LDB2: variants seen among roughly 807,000 people sequenced by gnomAD.
LDB2 encodes the protein LIM domain-binding protein 2.
LDB2 carries 12 observed loss-of-function variants against 44.3 expected under a neutral mutation model. That is an observed-to-expected ratio of 0.27 (90% confidence interval 0.17 to 0.44). LDB2 has a LOEUF of 0.44. Ranked by LOEUF, LDB2 falls within the 20% of genes least tolerant of loss-of-function variation. The pLI is 1.00. For missense variants in LDB2, 344 were observed against 473.5 expected (o/e 0.73, Z 2.54); for synonymous variants, 164 against 174.8 (o/e 0.94, Z 0.49).
intron 2 of LDB2, among the ~76,000 whole-genome samples, chr4:16,682,440 G>C (rs1748184516): frequency 6.6e-6 from 1 of 152,088 alleles, no homozygotes; most frequent in Admixed American, 6.5e-5. Flanking sequence ...AGCCCACTGA[G>C]CCTCAACACA....
chr4:16,862,487 G>C (rs901963261), intron 1 of LDB2, among the ~76,000 whole-genome samples: 6 of 151,892 alleles, frequency 4.0e-5, no homozygotes, highest in Middle Eastern at 6.8e-3. Context: ...TACAATATTA[G>C]CTAGGCGTGA....
intron 2 of LDB2, among the ~76,000 whole-genome samples, chr4:16,635,434 C>A (rs1229468320): frequency 1.3e-5 from 2 of 151,278 alleles, no homozygotes; most frequent in Non-Finnish European, 2.9e-5. Context: ...ATTCTGGAGC[C>A]AAGACAAGGA....
intron 2 of LDB2, among the ~76,000 whole-genome samples, chr4:16,634,853 G>A (rs562003882): frequency 6.6e-6 from 1 of 152,134 alleles, no homozygotes; most frequent in Non-Finnish European, 1.5e-5. Flanking sequence ...TATGTTTATT[G>A]CAGCATTATT....
chr4:16,699,660 A>G (rs1224722761), intron 2 of LDB2, among the ~76,000 whole-genome samples: 2 of 152,214 alleles, frequency 1.3e-5, no homozygotes, highest in East Asian at 3.8e-4. Context: ...AATAATTGCA[A>G]CTTTCAAAAA....
chr4:16,636,989 T>G (rs1489997738), intron 2 of LDB2, among the ~76,000 whole-genome samples: 1 of 152,222 alleles, frequency 6.6e-6, no homozygotes, highest in Non-Finnish European at 1.5e-5. Context: ...TCCAGTTGGA[T>G]CTGCCTTCAT....
At chr4:16,659,671 G>GGGTGTATATATATATATATATATA in intron 2 of LDB2, among the ~76,000 whole-genome samples, 1 of 133,522 alleles carries the variant, frequency 7.5e-6, no homozygotes, top group African/African-American at 3.0e-5. Context: ...ATCTATGTGT[G>GGGTGTATATATATATATATATATA]TATATATATA....
At chr4:16,544,764 G>A (rs1735097009) in intron 5 of LDB2, among the ~76,000 whole-genome samples, 5 of 152,184 alleles carry the variant, frequency 3.3e-5, no homozygotes. Flanking sequence ...AATTTGACAT[G>A]TCTGTTAGAC....
chr4:16,639,364 G>A lies in LDB2; in HGVS notation c.236-43489C>T, dbSNP rs151210334. On this transcript the variant is annotated intron_variant, in intron 2 of 7. Transcript: ENST00000304523. ...TATGAAACAAAACCCAAAGACAGGT[G>A]TAACATCTAAATACAAAACTGGCAA... 2.8e-3 allele frequency among the ~76,000 whole-genome samples: 428 copies of A among 152,276 alleles called. 1 individual carries two copies. Among genetic ancestry groups the A allele is most frequent in the African/African-American group, 0.01 (417 of 41,560 alleles).
At chr4:16,893,769 C>T (rs945044959) in intron 1 of LDB2, among the ~76,000 whole-genome samples, 1 of 151,562 alleles carries the variant, frequency 6.6e-6, no homozygotes, top group East Asian at 1.9e-4. Context: ...GGAACTCACA[C>T]TTTTCTGGTG....
chr4:16,845,707 G>A (rs1786833298), intron 1 of LDB2, among the ~76,000 whole-genome samples: 1 of 152,134 alleles, frequency 6.6e-6, no homozygotes, highest in Non-Finnish European at 1.5e-5. Context: ...TGGTTTATGT[G>A]TACTATCTCA....
intron 1 of LDB2, among the ~76,000 whole-genome samples, chr4:16,805,346 A>AAG (rs1778582094): frequency 6.6e-6 from 1 of 152,226 alleles, no homozygotes; most frequent in Non-Finnish European, 1.5e-5. Flanking sequence ...CTATATCAGC[A>AAG]AGTGTTTATC....
At chr4:16,625,363 C>T (rs956099799) in intron 2 of LDB2, among the ~76,000 whole-genome samples, 1 of 152,178 alleles carries the variant, frequency 6.6e-6, no homozygotes, top group Admixed American at 6.5e-5. Flanking sequence ...CTCAGCAGAG[C>T]TTCTGCTATT....
chr4:16,731,526 G>C (rs757490067), intron 2 of LDB2, among the ~76,000 whole-genome samples: 2 of 151,886 alleles, frequency 1.3e-5, no homozygotes, highest in African/African-American at 2.4e-5. Flanking sequence ...CTCTCTCTCC[G>C]CACACATGCA....
At chr4:16,783,081 G>A (rs1441518835) in intron 1 of LDB2, among the ~76,000 whole-genome samples, 5 of 152,202 alleles carry the variant, frequency 3.3e-5, no homozygotes, top group East Asian at 1.9e-4. Flanking sequence ...AATTTGAGGC[G>A]TACAGGCAGC....
intron 1 of LDB2, among the ~76,000 whole-genome samples, chr4:16,763,878 G>T (rs1768566433): frequency 6.6e-6 from 1 of 151,806 alleles, no homozygotes; most frequent in Non-Finnish European, 1.5e-5. Flanking sequence ...TTGCTTGTTG[G>T]GTAAGTGGGA....
intron 2 of LDB2, among the ~76,000 whole-genome samples, chr4:16,633,802 C>G (rs1473413061): frequency 6.6e-6 from 1 of 152,130 alleles, no homozygotes; most frequent in Non-Finnish European, 1.5e-5. Context: ...TCCACATAGC[C>G]AAGACAATCC....
chr4:16,576,952 C>A (rs1184144954), intron 5 of LDB2, among the ~76,000 whole-genome samples: 2 of 152,162 alleles, frequency 1.3e-5, no homozygotes, highest in Non-Finnish European at 1.5e-5. Flanking sequence ...CAATATGATA[C>A]ATCATATCAA....
intron 2 of LDB2, among the ~76,000 whole-genome samples, chr4:16,730,787 T>C (rs781242420): frequency 6.6e-6 from 1 of 152,180 alleles, no homozygotes; most frequent in Non-Finnish European, 1.5e-5. Context: ...GCCAAGACCA[T>C]CAGAATAAGA....
intron 5 of LDB2, among the ~76,000 whole-genome samples, chr4:16,517,232 T>C (rs1410704773): frequency 2.6e-5 from 4 of 152,090 alleles, no homozygotes; most frequent in Middle Eastern, 3.2e-3. Flanking sequence ...TTTCTGGTGG[T>C]TGTTGAATCC....
Sources: allele counts gnomAD v4.1 joint callset (sites outside exome capture counted in the v4.1 genomes callset), GRCh38; gene constraint gnomAD v4.1.1; transcripts MANE v1.5; gene names NCBI Gene and HGNC (gene_info 2026-07-23, HGNC 2026-07-21).